The following BICD1 variants were observed in gnomAD, a reference collection of about 807,000 sequenced individuals.
BICD1 encodes the protein BICD cargo adaptor 1, also known as protein bicaudal D homolog 1.
In BICD1, 35 loss-of-function variants were observed where a neutral mutation model predicts 92.5. That is an observed-to-expected ratio of 0.38 (90% confidence interval 0.29 to 0.50). The LOEUF is 0.50. Ranked by LOEUF, BICD1 falls within the 20% of genes least tolerant of loss-of-function variation. The pLI is 0.93. For missense variants in BICD1, 950 were observed against 1,189.8 expected (o/e 0.80, Z 2.97); for synonymous variants, 429 against 465.1 (o/e 0.92, Z 1.00).
intron 4 of BICD1, among the ~76,000 whole-genome samples, chr12:32,309,781 T>G (rs1447089862): frequency 6.6e-6 from 1 of 152,218 alleles, no homozygotes; most frequent in Non-Finnish European, 1.5e-5. Context: ...ATTTTCATTT[T>G]TTTTTATTAT....
rs989863755 is a variant in BICD1, at chr12:32,210,216, G to C, written c.214-6031G>C. 6.6e-5 allele frequency among the ~76,000 whole-genome samples: 10 copies of C among 152,110 alleles called. No homozygotes were observed. In the South Asian group the frequency reaches 2.1e-3, roughly 32 times the overall value. On this transcript the variant is annotated intron_variant, in intron 1 of 9. Transcript: ENST00000652176. ...AGTGCTTTGTAAATACTTGCCGAGT[G>C]AATGAACAACAAATGAATGAATGAA...
intron 1 of BICD1, among the ~76,000 whole-genome samples, chr12:32,209,636 A>G (rs1361172570): frequency 2.0e-5 from 3 of 152,236 alleles, no homozygotes; most frequent in Admixed American, 6.5e-5. Context: ...ACTGTAAAGA[A>G]CTGCCAGTGA....
chr12:32,243,264 ATTTTTT>A (rs71068310), intron 2 of BICD1, among the ~76,000 whole-genome samples: 9 of 74,034 alleles, frequency 1.2e-4, no homozygotes, highest in Non-Finnish European at 1.7e-4. Flanking sequence ...TGCCTGGCTA[ATTTTTT>A]TTTTTTTTTT....
intron 1 of BICD1, among the ~76,000 whole-genome samples, chr12:32,178,810 G>T (rs1944191944): frequency 6.6e-6 from 1 of 151,896 alleles, no homozygotes; most frequent in African/African-American, 2.4e-5. Flanking sequence ...GGTAAAAATG[G>T]CAGTTGTCCT....
Position 32,305,846 on chromosome 12 carries a change from G to A in BICD1, c.729G>A (p.Glu243=), listed in dbSNP as rs113903935. Residue 243 remains glutamate (E), a synonymous_variant, in exon 4 of 10, where the codon GAG becomes GAA. Transcript: ENST00000652176. ...TCGAGACTTTAAAAAATGAAAGAGA[G>A]CAAAAGAACAACCTGCGGAAGGAGC... ...EALETLKNER[E]QKNNLRKELS... is the part of the protein sequence containing the mutation. The A allele has an allele frequency of 3.1e-4, 503 of 1,614,122 alleles. 3 individuals are homozygous for A. The African/African-American group carries it at 4.9e-3, about 16-fold the overall frequency.
At chr12:32,360,079 G>A (rs1939263271) in intron 8 of BICD1, among the ~76,000 whole-genome samples, 1 of 152,168 alleles carries the variant, frequency 6.6e-6, no homozygotes, top group Non-Finnish European at 1.5e-5. Flanking sequence ...CAGCTACTCG[G>A]GAGGCTGAGG....
At chr12:32,138,570 A>G (rs986264169) in intron 1 of BICD1, among the ~76,000 whole-genome samples, 3 of 152,152 alleles carry the variant, frequency 2.0e-5, no homozygotes, top group African/African-American at 7.2e-5. Context: ...GGGTGCCCAC[A>G]CGTCTATTCT....
In BICD1 at chr12:32,223,945, T is replaced by C. The variant is rs916799090; in HGVS notation, c.426+7486T>C. Reference sequence around the variant, plus strand: ...TATGGGTTAAGTTTGCTGTCTTATATGGATGTGGTTCATGTCAATATAACA... The same window carrying C: ...TATGGGTTAAGTTTGCTGTCTTATACGGATGTGGTTCATGTCAATATAACA... On this transcript the variant is annotated intron_variant, in intron 2 of 9. Transcript: ENST00000652176. Among the ~76,000 whole-genome samples the C allele has an allele frequency of 3.3e-5, 5 of 152,190 alleles. 1 individual carries two copies. Among genetic ancestry groups the C allele is most frequent in the Middle Eastern group, 6.3e-3 (2 of 316 alleles).
intron 8 of BICD1, 139 bp downstream of exon 8, chr12:32,339,118 C>G: frequency 7.4e-7 from 1 of 1,348,114 alleles, no homozygotes; most frequent in South Asian, 2.0e-5. Flanking sequence ...CAAGTAAAAA[C>G]TTCCTTACAC....
Position 32,107,056 on chromosome 12 carries a change from A to G in BICD1, c.-276A>G. On this transcript the variant is annotated 5_prime_UTR_variant, in exon 1 of 10. Coordinates refer to ENST00000652176, the MANE Select transcript of BICD1 (RefSeq NM_001714.4). ...GCCATGCCGCACGGCTGCTGACCGC[A>G]CGCAGGGGCCGGCCCCGAGGACACA... 1 of 412,610 alleles carries G rather than the reference A, an allele frequency of 2.4e-6. No individual in the cohort carries two copies. Among genetic ancestry groups the G allele is most frequent in the East Asian group, 4.7e-5 (1 of 21,254 alleles). 25.6% of individuals were successfully genotyped at this position (412,610 alleles called of 1,614,324 possible). A position where few individuals can be genotyped will look rare whatever the true frequency, so the allele number is the denominator to read the frequency against.
chr12:32,140,562 A>G (rs1265877050), intron 1 of BICD1, among the ~76,000 whole-genome samples: 4 of 151,926 alleles, frequency 2.6e-5, no homozygotes, highest in Admixed American at 2.6e-4. Context: ...GCTCAATGCA[A>G]CCCCGCCTCC....
intron 1 of BICD1, among the ~76,000 whole-genome samples, chr12:32,165,385 G>T (rs374012282): frequency 8.5e-5 from 13 of 152,112 alleles, no homozygotes; most frequent in East Asian, 7.7e-4. Flanking sequence ...GCGTGGTGGC[G>T]GGCGCTTGTA....
intron 3 of BICD1, among the ~76,000 whole-genome samples, chr12:32,299,358 TACA>T (rs1947969178): frequency 6.6e-6 from 1 of 152,186 alleles, no homozygotes; most frequent in African/African-American, 2.4e-5. Flanking sequence ...GGTGCAGCCT[TACA>T]ACAACGGCAC....
At chr12:32,341,968 C>A (rs1394775442) in intron 8 of BICD1, among the ~76,000 whole-genome samples, 2 of 151,070 alleles carry the variant, frequency 1.3e-5, no homozygotes, top group East Asian at 1.9e-4. Context: ...TATCATAAGC[C>A]CATGGGAAAT....
intron 2 of BICD1, among the ~76,000 whole-genome samples, chr12:32,260,678 T>C (rs1168050734): frequency 1.3e-5 from 2 of 151,868 alleles, no homozygotes; most frequent in Non-Finnish European, 2.9e-5. Flanking sequence ...CTCCCTAAAT[T>C]GATTTCACAA....
At chr12:32,207,093 A>G (rs1028093710) in intron 1 of BICD1, among the ~76,000 whole-genome samples, 7 of 152,236 alleles carry the variant, frequency 4.6e-5, no homozygotes, top group African/African-American at 1.4e-4. Flanking sequence ...TGAGAGAGAT[A>G]GGACCAAGGA....
At chr12:32,139,912 T>A (rs1326823261) in intron 1 of BICD1, among the ~76,000 whole-genome samples, 2 of 152,116 alleles carry the variant, frequency 1.3e-5, no homozygotes, top group Non-Finnish European at 2.9e-5. Flanking sequence ...GTTGGCGTGT[T>A]TCAGTTTTCA....
At chr12:32,138,889 A>G (rs1274749386) in intron 1 of BICD1, among the ~76,000 whole-genome samples, 2 of 152,206 alleles carry the variant, frequency 1.3e-5, no homozygotes, top group African/African-American at 2.4e-5. Context: ...AATAGATTCT[A>G]TGCTATGGGC....
At chr12:32,252,050 A>AATATCATATATTTATAATAT (rs1565619244) in intron 2 of BICD1, among the ~76,000 whole-genome samples, 1 of 82,578 alleles carries the variant, frequency 1.2e-5, no homozygotes, top group African/African-American at 5.5e-5. Flanking sequence ...ATTTATAATA[A>AATATCATATATTTATAATAT]ATATTATATA....
Sources: allele counts gnomAD v4.1 joint callset (sites outside exome capture counted in the v4.1 genomes callset), GRCh38; gene constraint gnomAD v4.1.1; transcripts MANE v1.5; gene names NCBI Gene and HGNC (gene_info 2026-07-23, HGNC 2026-07-21).